SNTG1: variants seen among roughly 807,000 people sequenced by gnomAD.
SNTG1 encodes the protein gamma-1-syntrophin.
Under a neutral mutation model 74.7 loss-of-function variants are expected in SNTG1, and 39 were observed. That is an observed-to-expected ratio of 0.52 (90% CI 0.40 to 0.68). SNTG1 has a LOEUF of 0.68. Among genes scored for constraint, SNTG1 ranks in the 30% least tolerant of loss-of-function variants. SNTG1 has a pLI of 0.00. For missense variants in SNTG1, 685 were observed against 609.5 expected (o/e 1.12, Z -1.30); for synonymous variants, 254 against 217.1 (o/e 1.17, Z -1.49).
intron 8 of SNTG1, among the ~76,000 whole-genome samples, chr8:50,462,562 CTTCT>C (rs1348521557): frequency 5.3e-5 from 8 of 152,056 alleles, no homozygotes; most frequent in Non-Finnish European, 1.2e-4. Flanking sequence ...GCATTTTGAA[CTTCT>C]TTCAATATTG....
intron 13 of SNTG1, among the ~76,000 whole-genome samples, chr8:50,626,882 G>A (rs1225792985): frequency 7.9e-5 from 12 of 152,076 alleles, no homozygotes; most frequent in African/African-American, 2.4e-4. Context: ...ACTGGAAAGG[G>A]CAAATTCTTT....
intron 11 of SNTG1, among the ~76,000 whole-genome samples, chr8:50,541,044 A>G (rs893365467): frequency 3.4e-4 from 51 of 152,166 alleles, no homozygotes; most frequent in African/African-American, 1.2e-3. Flanking sequence ...TTGATTATAC[A>G]TCTTATTTTT....
At chr8:50,103,009 G>T (rs573674698) in intron 1 of SNTG1, among the ~76,000 whole-genome samples, 68 of 151,778 alleles carry the variant, frequency 4.5e-4, no homozygotes, top group Admixed American at 3.5e-3. Context: ...CTCCAGCTTT[G>T]TTCTTTTGGC....
chr8:49,935,668 G>A (rs1808019513), intron 1 of SNTG1, among the ~76,000 whole-genome samples: 2 of 152,114 alleles, frequency 1.3e-5, no homozygotes, highest in African/African-American at 2.4e-5. Flanking sequence ...ACTGATGTAT[G>A]CTCAGCCAGG....
intron 1 of SNTG1, among the ~76,000 whole-genome samples, chr8:50,070,232 T>C (rs561951240): frequency 6.6e-6 from 1 of 152,284 alleles, no homozygotes; most frequent in East Asian, 1.9e-4. Flanking sequence ...ATTCAAATAT[T>C]GAGGAAAAAA....
intron 1 of SNTG1, among the ~76,000 whole-genome samples, chr8:49,950,288 A>G (rs562461905): frequency 6.0e-4 from 92 of 152,344 alleles, no homozygotes; most frequent in Middle Eastern, 3.4e-3. Flanking sequence ...ACATGTTATC[A>G]TCTCAAAGTC....
intron 4 of SNTG1, among the ~76,000 whole-genome samples, chr8:50,432,877 A>C (rs1043615835): frequency 1.3e-5 from 2 of 151,542 alleles, no homozygotes; most frequent in African/African-American, 4.9e-5. Context: ...TGCAACCTCC[A>C]CCTCCCTGGT....
chr8:50,249,200 G>C (rs1222698524), intron 2 of SNTG1, among the ~76,000 whole-genome samples: 1 of 152,214 alleles, frequency 6.6e-6, no homozygotes, highest in African/African-American at 2.4e-5. Context: ...CAGGCCCTGA[G>C]TTCAGTGTGA....
intron 2 of SNTG1, among the ~76,000 whole-genome samples, chr8:50,282,758 C>G (rs1040204548): frequency 1.3e-5 from 2 of 151,922 alleles, no homozygotes; most frequent in Admixed American, 1.3e-4. Flanking sequence ...AGAAGAGACT[C>G]TGTCCATCTC....
At chr8:50,535,453 T>G (rs1312946739) in intron 10 of SNTG1, among the ~76,000 whole-genome samples, 1 of 152,118 alleles carries the variant, frequency 6.6e-6, no homozygotes, top group African/African-American at 2.4e-5. Flanking sequence ...AAGAGTAATA[T>G]GAAACCTAGG....
chr8:50,470,551 A>G (rs1381641116), intron 8 of SNTG1, among the ~76,000 whole-genome samples: 1 of 151,460 alleles, frequency 6.6e-6, no homozygotes, highest in African/African-American at 2.4e-5. Flanking sequence ...TGGCGCGTCC[A>G]GAGTTGTTTG....
rs200168329 is a variant in SNTG1, at chr8:50,091,162, CT to C, written c.-102-81393del. On this transcript the variant is annotated intron_variant, in intron 1 of 18. Transcript: ENST00000642720. ...AGAGAAAATGAGATTATCTATTTTTCTTTTTTCTTATTTATATTTAAGGTGT... is the reference window on the plus strand; with the variant it reads ...AGAGAAAATGAGATTATCTATTTTTCTTTTTCTTATTTATATTTAAGGTGT... Among the ~76,000 whole-genome samples, 522 of 151,896 alleles carry C rather than the reference CT, an allele frequency of 3.4e-3. 7 individuals carry two copies. In the South Asian group the frequency reaches 0.038, roughly 11 times the overall value.
chr8:50,631,872 G>A (rs1409244504), intron 13 of SNTG1, among the ~76,000 whole-genome samples: 1 of 152,138 alleles, frequency 6.6e-6, no homozygotes, highest in Non-Finnish European at 1.5e-5. Flanking sequence ...TTTCTATACT[G>A]CTGGAATACC....
intron 13 of SNTG1, among the ~76,000 whole-genome samples, chr8:50,612,827 G>A (rs1391020546): frequency 2.0e-5 from 3 of 152,144 alleles, no homozygotes; most frequent in Non-Finnish European, 4.4e-5. Context: ...GACTCTATAG[G>A]TGTAGCATTT....
intron 13 of SNTG1, among the ~76,000 whole-genome samples, chr8:50,596,336 A>G (rs1366043423): frequency 6.6e-6 from 1 of 152,028 alleles, no homozygotes; most frequent in African/African-American, 2.4e-5. Flanking sequence ...TTAATGAGTC[A>G]TGCTTTTGAA....
At chr8:50,665,076 A>G (rs1436942365) in intron 15 of SNTG1, among the ~76,000 whole-genome samples, 3 of 152,302 alleles carry the variant, frequency 2.0e-5, no homozygotes, top group East Asian at 3.9e-4. Context: ...TGGTATTACA[A>G]ATAAGTTTAC....
intron 1 of SNTG1, among the ~76,000 whole-genome samples, chr8:50,052,015 C>A (rs203960): frequency 0.55 from 82,776 of 151,822 alleles, 24,712 homozygotes; most frequent in East Asian, 0.84. Context: ...CAATGCTTTC[C>A]TTATCAAAAT....
At chr8:50,449,435 T>C (rs562956470) in intron 5 of SNTG1, among the ~76,000 whole-genome samples, 2 of 152,350 alleles carry the variant, frequency 1.3e-5, no homozygotes, top group South Asian at 4.1e-4. Context: ...CAATATTTGT[T>C]GATAAATGAA....
At chr8:50,451,883 C>T (rs1157615690) in intron 8 of SNTG1, among the ~76,000 whole-genome samples, 2 of 152,032 alleles carry the variant, frequency 1.3e-5, no homozygotes, top group African/African-American at 2.4e-5. Context: ...TGTATCAGCT[C>T]CTATGGGAAA....
Sources: allele counts gnomAD v4.1 joint callset (sites outside exome capture counted in the v4.1 genomes callset), GRCh38; gene constraint gnomAD v4.1.1; transcripts MANE v1.5; gene names NCBI Gene and HGNC (gene_info 2026-07-23, HGNC 2026-07-21).